Variants in TKFC observed in about 807,000 individuals in gnomAD.
TKFC encodes the protein triokinase and FMN cyclase.
Under a neutral mutation model 61.0 loss-of-function variants are expected in TKFC, and 46 were observed. That is an observed-to-expected ratio of 0.75 (90% CI 0.60 to 0.96). The LOEUF is 0.96. TKFC is among the 50% of genes least tolerant of loss of function. The probability of loss-of-function intolerance (pLI) is 0.00; values close to 1 mark genes in which losing one functional copy is unlikely to be tolerated. For missense variants in TKFC, 715 were observed against 777.5 expected (o/e 0.92, Z 0.96); for synonymous variants, 314 against 330.1 (o/e 0.95, Z 0.53).
rs142716350 is a variant in TKFC at position 61,343,348 on chromosome 11, G to A, written c.872G>A (p.Arg291His). The change falls in exon 11 of 18, where the codon CGC (arginine) becomes CAC (histidine). Residue 291 changes from arginine to histidine, a missense_variant. Transcript: ENST00000394900. ...CCACACTCTGGTATTGCAGAGGGCC[G>A]CGGGGTGAAGATTGCCCGTGCCCTG... ...ADATVRSLEG[R>H]GVKIARALVG... 187 of 1,614,050 alleles carry A rather than the reference G, an allele frequency of 1.2e-4. 1 individual carries two copies. The African/African-American group carries it at 1.5e-3, about 13-fold the overall frequency.
At position 61,343,993 on chromosome 11, in the gene TKFC, T is replaced by C. The variant is rs763465824; in HGVS notation, c.1102+18T>C. On this transcript the variant is annotated intron_variant, in intron 12 of 17. Transcript: ENST00000394900. Reference sequence around the variant, plus strand: ...TGCAGGAGGTACCAACCCCTGCCTTTGGGGAAGGGACAGGCTTCCCAAAGG... The same window carrying C: ...TGCAGGAGGTACCAACCCCTGCCTTCGGGGAAGGGACAGGCTTCCCAAAGG... 3.1e-6 allele frequency: 5 copies of C among 1,609,386 alleles called. No homozygotes were observed. The Admixed American group carries it at 8.3e-5, about 27-fold the overall frequency.
Position 61,333,286 on chromosome 11 carries a change from G to C in TKFC, c.-153G>C. The C allele has an allele frequency of 8.1e-6, 2 of 247,778 alleles. No individual in the cohort carries two copies. The highest frequency in any genetic ancestry group is 1.5e-5 in the Non-Finnish European group (2 of 130,134). 15.3% of individuals were successfully genotyped at this position (247,778 alleles called of 1,614,324 possible). A position where few individuals can be genotyped will look rare whatever the true frequency, so the allele number is the denominator to read the frequency against. ...GCTTCGGGGTCTCCGGGAAGTCGCG[G>C]CGCCTTCGGATGTGGCGGATGCGGC... On this transcript the variant is annotated 5_prime_UTR_variant, in exon 1 of 18. Coordinates refer to ENST00000394900, the MANE Select transcript of TKFC (RefSeq NM_015533.4).
At chr11:61,343,668 T>C (rs1856972950) in intron 11 of TKFC, 188 bp from the exon 12 acceptor site, 1 of 973,682 alleles carries the variant, frequency 1.0e-6, no homozygotes, top group Non-Finnish European at 1.5e-6. Flanking sequence ...GGCCTGACCC[T>C]TTCCCAGGGA....
At chr11:61,334,187 GCT>G (rs1231959563) in intron 1 of TKFC, 2 of 155,938 alleles carry the variant, frequency 1.3e-5, no homozygotes, top group African/African-American at 2.4e-5. Context: ...AGTCCCTAGA[GCT>G]CTCTGAGTCT....
At chr11:61,353,102 G>A (rs201203629), downstream of TKFC, 327 of 1,613,024 alleles carry the variant, frequency 2.0e-4, 4 homozygotes, top group South Asian at 2.7e-3. Flanking sequence ...CCACATGGAC[G>A]CCCAGGGCAG....
intron 7 of TKFC, 151 bp from the exon 8 acceptor site, chr11:61,342,310 C>A: frequency 1.0e-6 from 1 of 994,926 alleles, no homozygotes. Context: ...TCCCAGAGAA[C>A]AGAGATCGTG....
intron 7 of TKFC, 103 bp from the exon 8 acceptor site, chr11:61,342,358 G>A (rs1053931751): frequency 9.6e-6 from 14 of 1,458,214 alleles, no homozygotes; most frequent in Middle Eastern, 2.3e-4. Context: ...CCCCACTCCC[G>A]CCCACTTACT....
Position 61,341,451 on chromosome 11 carries a change from G to A in TKFC, c.502G>A (p.Ala168Thr). 1 of 1,554,218 alleles carries A rather than the reference G, an allele frequency of 6.4e-7. No homozygotes were observed. Among genetic ancestry groups the A allele is most frequent in the Non-Finnish European group, 8.7e-7 (1 of 1,148,240 alleles). Residue 168 changes from alanine (A) to threonine (T), a missense_variant, in exon 6 of 18, where the codon GCT (alanine) becomes ACT (threonine). Transcript: ENST00000394900. ...VLIHKVAGAL[A>T]EAGVGLEEIA... The stretch of plus-strand genomic sequence containing the variant: ...GTGGCTGCAGGTGGCAGGTGCTCTG[G>A]CTGAGGCTGGTGTGGGGCTGGAGGA...
At chr11:61,341,985 A>G in intron 7 of TKFC, 73 bp downstream of exon 7, 1 of 1,418,132 alleles carries the variant, frequency 7.1e-7, no homozygotes, top group Non-Finnish European at 9.7e-7. Flanking sequence ...GCATACCCTT[A>G]GAGCCATCAA....
chr11:61,347,630 G>A lies in TKFC; in HGVS notation c.*1127G>A, dbSNP rs759918270. On this transcript the variant is annotated 3_prime_UTR_variant, in exon 18 of 18. Transcript: ENST00000394900. Reference sequence around the variant, plus strand: ...CACTGATGGCACCAGGGTGAGCAGGGGCACTGTATGCATGTGGAGACAAAC... The same window carrying A: ...CACTGATGGCACCAGGGTGAGCAGGAGCACTGTATGCATGTGGAGACAAAC... The A allele has an allele frequency of 9.1e-6, 9 of 985,286 alleles. No individual in the cohort carries two copies. Among genetic ancestry groups the A allele is most frequent in the African/African-American group, 1.7e-5 (1 of 57,192 alleles). The allele number at this position is 985,286 out of a possible 1,614,324, so 61.0% of individuals were successfully genotyped here.
At position 61,346,016 on chromosome 11, in the gene TKFC, C is replaced by A; in HGVS notation, c.1575+70C>A. The stretch of plus-strand genomic sequence containing the variant: ...CCAGCAGACTCCTGTCTCCATGTGA[C>A]CCTGAGCAAGTTAATAACCTTCCTG... On this transcript the variant is annotated intron_variant, in intron 17 of 17. Coordinates refer to ENST00000394900, the MANE Select transcript of TKFC (RefSeq NM_015533.4). The surrounding 1 kb of genome is among the most constrained non-coding windows in gnomAD (Gnocchi z 4.1). 2 of 1,511,732 alleles carry A rather than the reference C, an allele frequency of 1.3e-6. No individual in the cohort carries two copies. Among genetic ancestry groups the A allele is most frequent in the Non-Finnish European group, 1.8e-6 (2 of 1,102,058 alleles). 93.6% of individuals were successfully genotyped at this position (1,511,732 alleles called of 1,614,324 possible).
downstream of TKFC, chr11:61,349,777 A>C: frequency 1.6e-6 from 1 of 636,800 alleles, no homozygotes; most frequent in East Asian, 2.8e-5. Flanking sequence ...CAATCACCCC[A>C]TGATGTCTCC....
chr11:61,334,500 A>C, intron 1 of TKFC, 120 bp from the exon 2 acceptor site: 1 of 549,118 alleles, frequency 1.8e-6, no homozygotes. Context: ...CCCATGTACT[A>C]GAGTTTGGAC....
At chr11:61,342,874 C>A in intron 10 of TKFC, 30 bp downstream of exon 10, 1 of 1,609,674 alleles carries the variant, frequency 6.2e-7, no homozygotes, top group East Asian at 2.2e-5. Context: ...GGGGATCCTA[C>A]AGCCCTTTGG....
At chr11:61,352,960 G>C, downstream of TKFC, 1 of 1,614,100 alleles carries the variant, frequency 6.2e-7, no homozygotes. Context: ...CTTCACCTTA[G>C]AGTTGGGGAC....
At position 61,347,177 on chromosome 11, in the gene TKFC, G is replaced by T; in HGVS notation, c.*674G>T. ...AATTAATAATTCAGTGGCTCCTCGG[G>T]AGTCGAATGGGCATTTGGGACACCA... On this transcript the variant is annotated 3_prime_UTR_variant, in exon 18 of 18. Transcript: ENST00000394900. The T allele has an allele frequency of 3.0e-6, 3 of 985,398 alleles. No homozygotes were observed. The highest frequency in any genetic ancestry group is 3.6e-6 in the Non-Finnish European group (3 of 829,966). The allele number at this position is 985,398 out of a possible 1,614,324, so 61.0% of individuals were successfully genotyped here. A position where few individuals can be genotyped will look rare whatever the true frequency, so the allele number is the denominator to read the frequency against.
chr11:61,337,513 C>G (rs776511514), intron 2 of TKFC, among the ~76,000 whole-genome samples: 3 of 152,284 alleles, frequency 2.0e-5, no homozygotes, highest in Non-Finnish European at 4.4e-5. Flanking sequence ...ATGTTTGCCC[C>G]GCGTTGGAGC....
In TKFC at chr11:61,339,308, TG is replaced by T. The variant is rs1856755772; in HGVS notation, c.361del (p.Ala121ProfsTer16). On this transcript the variant is annotated frameshift_variant, in exon 5 of 18. Transcript: ENST00000394900. The stretch of plus-strand genomic sequence containing the variant: ...ACTGGGGATCGGCTCAACTTCGGCC[TG>T]GCCCGGGAGCAGGCCCGGGCTGAAG... ...NYTGDRLNFG[L>X]AREQARAEGI... The T allele has an allele frequency of 1.2e-6, 2 of 1,613,772 alleles. No homozygotes were observed. The highest frequency in any genetic ancestry group is 1.3e-5 in the African/African-American group (1 of 74,950).
chr11:61,353,008 A>G, downstream of TKFC: 2 of 1,614,174 alleles, frequency 1.2e-6, no homozygotes, highest in South Asian at 2.2e-5. Context: ...GCTTCTCATT[A>G]ATGCCCGAAA....
Sources: gnomAD v4.1 joint callset for allele counts (sites outside exome capture counted in the v4.1 genomes callset) on GRCh38, gnomAD v4.1.1 for gene constraint, Gnocchi (gnomAD v3.1) non-coding constraint, MANE v1.5 for transcripts, NCBI Gene and HGNC (gene_info 2026-07-23, HGNC 2026-07-21) for gene names.